Variants in LARGE1 observed in about 807,000 individuals in gnomAD.
LARGE1 encodes the protein LARGE xylosyl- and glucuronyltransferase 1.
In LARGE1, 43 loss-of-function variants were observed where a neutral mutation model predicts 87.6. The observed-to-expected ratio is 0.49, with a 90% confidence interval of 0.38 to 0.63. The LOEUF (loss-of-function observed/expected upper bound fraction) is 0.63. Ranked by LOEUF, LARGE1 falls within the 30% of genes least tolerant of loss-of-function variation. The pLI, the probability that LARGE1 is intolerant of heterozygous loss-of-function variation, is 0.00. For missense variants in LARGE1, 802 were observed against 1,000.2 expected (o/e 0.80, Z 2.67); for synonymous variants, 434 against 394.6 (o/e 1.10, Z -1.18).
At chr22:33,807,878 G>C (rs1216737198) in intron 1 of LARGE1, among the ~76,000 whole-genome samples, 1 of 152,058 alleles carries the variant, frequency 6.6e-6, no homozygotes, top group Non-Finnish European at 1.5e-5. Context: ...GCCTGGATGT[G>C]CTATGGTTTA....
chr22:33,195,779 G>T (rs574135115), intron 11 of LARGE1, among the ~76,000 whole-genome samples: 1 of 143,780 alleles, frequency 7.0e-6, no homozygotes, highest in East Asian at 2.0e-4. Flanking sequence ...TTTTGAGACG[G>T]AGTCTTGCTC....
intron 2 of LARGE1, among the ~76,000 whole-genome samples, chr22:33,754,100 C>T (rs2084419423): frequency 6.6e-6 from 1 of 152,094 alleles, no homozygotes; most frequent in African/African-American, 2.4e-5. Context: ...ATCTTTGTAA[C>T]CATCTCACAA....
At chr22:33,878,974 CT>C (rs1471600087) in intron 1 of LARGE1, among the ~76,000 whole-genome samples, 4 of 150,704 alleles carry the variant, frequency 2.7e-5, no homozygotes, top group African/African-American at 4.9e-5. Flanking sequence ...TTTTCTTCTT[CT>C]TCTTCTTCCT....
chr22:33,406,956 C>A (rs942710781), intron 7 of LARGE1, among the ~76,000 whole-genome samples: 1 of 152,078 alleles, frequency 6.6e-6, no homozygotes, highest in African/African-American at 2.4e-5. Flanking sequence ...CCACGCCCAG[C>A]AAATTTTTAT....
chr22:33,129,908 C>T, the LARGE1 span, among the ~76,000 whole-genome samples: 1 of 152,184 alleles, frequency 6.6e-6, no homozygotes, highest in African/African-American at 2.4e-5. Context: ...AATTACAATT[C>T]AAGATAAGAT....
intron 1 of LARGE1, among the ~76,000 whole-genome samples, chr22:33,787,533 A>G (rs2085687903): frequency 6.6e-6 from 1 of 152,210 alleles, no homozygotes; most frequent in African/African-American, 2.4e-5. Flanking sequence ...CTTCCTTCCA[A>G]GTCAACTCCA....
At chr22:33,748,546 CA>C (rs2084188127) in intron 2 of LARGE1, among the ~76,000 whole-genome samples, 1 of 152,150 alleles carries the variant, frequency 6.6e-6, no homozygotes, top group Non-Finnish European at 1.5e-5. Context: ...TTTCATCTTG[CA>C]AAAACCCTCA....
chr22:33,616,239 G>C (rs887842249), intron 4 of LARGE1, among the ~76,000 whole-genome samples: 6 of 152,174 alleles, frequency 3.9e-5, no homozygotes, highest in Admixed American at 3.9e-4. Flanking sequence ...GGGCACTGTG[G>C]CTCATGCCTG....
intron 6 of LARGE1, among the ~76,000 whole-genome samples, chr22:33,557,732 A>AT (rs1461757775): frequency 6.6e-6 from 1 of 151,950 alleles, no homozygotes; most frequent in Non-Finnish European, 1.5e-5. Context: ...TGCCTGGCTA[A>AT]TTTTTTATAT....
chr22:33,823,613 TC>T (rs1379720264), intron 1 of LARGE1, among the ~76,000 whole-genome samples: 1 of 152,188 alleles, frequency 6.6e-6, no homozygotes, highest in Non-Finnish European at 1.5e-5. Flanking sequence ...GTCCTTGCCC[TC>T]CGCATCTGAG....
intron 6 of LARGE1, among the ~76,000 whole-genome samples, chr22:33,479,247 C>T (rs937827813): frequency 2.0e-5 from 3 of 152,192 alleles, no homozygotes; most frequent in Non-Finnish European, 2.9e-5. Context: ...CCCTATTAGA[C>T]CCTCTGCTCT....
In LARGE1 at chr22:33,785,826, T is replaced by A. The variant is rs150280340; in HGVS notation, c.-82-24268A>T. On this transcript the variant is annotated intron_variant, in intron 1 of 14. Coordinates refer to ENST00000397394, the MANE Select transcript of LARGE1 (RefSeq NM_133642.5). ...CTTGTCAAAGCCACTTAAAAAAAAATTCCAAGCTGTCAAGAGAGAAAGGAA... is the reference window on the plus strand; with the variant it reads ...CTTGTCAAAGCCACTTAAAAAAAAAATCCAAGCTGTCAAGAGAGAAAGGAA... Among the ~76,000 whole-genome samples, 1,194 of 152,190 alleles carry A rather than the reference T, an allele frequency of 7.8e-3. 7 individuals are homozygous for A. Among genetic ancestry groups the A allele is most frequent in the Non-Finnish European group, 0.011 (753 of 68,004 alleles).
At chr22:33,673,268 T>C (rs192195825) in intron 2 of LARGE1, among the ~76,000 whole-genome samples, 2 of 151,894 alleles carry the variant, frequency 1.3e-5, no homozygotes, top group Non-Finnish European at 2.9e-5. Flanking sequence ...AGAGTGAAAA[T>C]TCTGTCTCAA....
chr22:33,333,609 TCTTA>T (rs1938030203), intron 10 of LARGE1, among the ~76,000 whole-genome samples: 1 of 152,226 alleles, frequency 6.6e-6, no homozygotes, highest in Admixed American at 6.5e-5. Flanking sequence ...GGTAATTCAT[TCTTA>T]CTTCTTAAAT....
intron 7 of LARGE1, among the ~76,000 whole-genome samples, chr22:33,418,138 G>A (rs534101265): frequency 2.6e-5 from 4 of 152,176 alleles, no homozygotes; most frequent in South Asian, 4.2e-4. Flanking sequence ...TAGTAGAGAC[G>A]AGGTTTCACC....
chr22:33,271,988 AT>A (rs936750741), downstream of LARGE1, among the ~76,000 whole-genome samples: 20 of 152,260 alleles, frequency 1.3e-4, no homozygotes, highest in African/African-American at 4.8e-4. Context: ...TGTAAAAATA[AT>A]TAGCACCTTT....
At chr22:33,811,891 A>G (rs2146180687) in intron 1 of LARGE1, among the ~76,000 whole-genome samples, 1 of 152,328 alleles carries the variant, frequency 6.6e-6, no homozygotes, top group South Asian at 2.1e-4. Flanking sequence ...AGCCCAGCCC[A>G]GAACTGTGAC....
intron 6 of LARGE1, chr22:33,563,113 G>C (rs2077910854): frequency 6.6e-6 from 1 of 152,376 alleles, no homozygotes; most frequent in South Asian, 2.1e-4. Flanking sequence ...CACAGGCATG[G>C]CCACTCACTT....
At chr22:33,632,061 G>A (rs1343297502) in intron 3 of LARGE1, among the ~76,000 whole-genome samples, 1 of 152,170 alleles carries the variant, frequency 6.6e-6, no homozygotes, top group South Asian at 2.1e-4. Context: ...TGATGTTCTC[G>A]TTTGCCCCTC....
Sources: gnomAD v4.1 joint callset for allele counts (sites outside exome capture counted in the v4.1 genomes callset) on GRCh38, gnomAD v4.1.1 for gene constraint, MANE v1.5 for transcripts, NCBI Gene and HGNC (gene_info 2026-07-23, HGNC 2026-07-21) for gene names.